AKAP13: variants seen among roughly 807,000 people sequenced by gnomAD.
AKAP13 encodes the protein A-kinase anchoring protein 13.
AKAP13 carries 80 observed loss-of-function variants against 264.5 expected under a neutral mutation model. The observed-to-expected ratio is 0.30, with a 90% CI of 0.25 to 0.36. The LOEUF (loss-of-function observed/expected upper bound fraction) is 0.36. Among genes scored for constraint, AKAP13 ranks in the 10% least tolerant of loss-of-function variants. AKAP13 has a pLI of 1.00. For missense variants in AKAP13, 3,712 were observed against 3,435.2 expected (o/e 1.08, Z -2.01); for synonymous variants, 1,380 against 1,250.2 (o/e 1.10, Z -2.19).
chr15:85,453,189 GT>G (rs1462960269), intron 1 of AKAP13, among the ~76,000 whole-genome samples: 11 of 152,348 alleles, frequency 7.2e-5, no homozygotes, highest in Admixed American at 3.3e-4. Context: ...GGCAAGGGCA[GT>G]TCCACAGTAG....
intron 1 of AKAP13, among the ~76,000 whole-genome samples, chr15:85,442,761 A>G (rs530156841): frequency 2.0e-5 from 3 of 151,554 alleles, no homozygotes; most frequent in East Asian, 1.9e-4. Flanking sequence ...TGAAATAGGG[A>G]CTCTGGACCA....
At chr15:85,656,218 A>G (rs1321471124) in intron 11 of AKAP13, among the ~76,000 whole-genome samples, 1 of 152,232 alleles carries the variant, frequency 6.6e-6, no homozygotes, top group Non-Finnish European at 1.5e-5. Flanking sequence ...AGTCTTTCAG[A>G]GTATTTTCTG....
Position 85,735,094 on chromosome 15 carries a change from C to A in AKAP13, c.7385C>A (p.Pro2462His). The change falls in exon 31 of 37, where the codon CCC becomes CAC. Residue 2462 changes from proline to histidine, a missense_variant. Physicochemically the swap from Pro to His is moderately conservative, Grantham distance 77. Transcript: ENST00000394518. ...EQDVVGPVSL[P>H]RRAETFGGFD... ...GATGTGGTCGGTCCCGTTTCCCTGC[C>A]CCGGAGAGCAGAGACCTTTGGAGGA... 1 of 1,614,156 alleles carries A rather than the reference C, an allele frequency of 6.2e-7. No individual in the cohort carries two copies.
At chr15:85,532,628 CAG>C (rs1353298862) in intron 3 of AKAP13, among the ~76,000 whole-genome samples, 2 of 152,176 alleles carry the variant, frequency 1.3e-5, no homozygotes, top group African/African-American at 2.4e-5. Context: ...TGTGTGAAAA[CAG>C]GGGAAATAGT....
chr15:85,664,071 T>C (rs2083474866), intron 12 of AKAP13, among the ~76,000 whole-genome samples: 1 of 152,142 alleles, frequency 6.6e-6, no homozygotes, highest in Non-Finnish European at 1.5e-5. Flanking sequence ...ACCTGTAAAA[T>C]TATAAAGGTC....
At chr15:85,725,329 A>G (rs1332130298) in intron 26 of AKAP13, among the ~76,000 whole-genome samples, 1 of 151,810 alleles carries the variant, frequency 6.6e-6, no homozygotes, top group Non-Finnish European at 1.5e-5. Context: ...ACTGACACTG[A>G]TCATATAAAC....
At chr15:85,466,665 C>G (rs1278758535) in intron 1 of AKAP13, among the ~76,000 whole-genome samples, 1 of 152,108 alleles carries the variant, frequency 6.6e-6, no homozygotes, top group Non-Finnish European at 1.5e-5. Context: ...ATCCCTCTTC[C>G]CATTTGTACT....
At position 85,741,476 on chromosome 15, in the gene AKAP13, C is replaced by T. The variant is rs200333772; in HGVS notation, c.8039C>T (p.Thr2680Ile). 2.5e-6 allele frequency: 4 copies of T among 1,599,160 alleles called. No homozygotes were observed. The East Asian group carries it at 6.7e-5, about 27-fold the overall frequency. ...GCAGAGCGGCTCAGCCAGCGGCAGA[C>T]AGAACGGGACCTGTGTCAGGTAATG... ...REAERLSQRQ[T>I]ERDLCQVSHP... is the part of the protein sequence containing the mutation. Residue 2680 changes from threonine (T) to isoleucine (I), a missense_variant, in exon 35 of 37, where the codon ACA becomes ATA. Thr to Ile is a moderately conservative substitution (Grantham distance 89). Coordinates refer to ENST00000394518, the MANE Select transcript of AKAP13 (RefSeq NM_007200.5).
intron 8 of AKAP13, among the ~76,000 whole-genome samples, chr15:85,627,018 G>T (rs1305808734): frequency 3.3e-5 from 5 of 152,148 alleles, no homozygotes; most frequent in African/African-American, 9.6e-5. Context: ...CTTTTGTCCT[G>T]TTTGTGTTTG....
In AKAP13 at chr15:85,568,278, T is replaced by A. The variant is rs574030467; in HGVS notation, c.663-6853T>A. Among the ~76,000 whole-genome samples the A allele has an allele frequency of 6.0e-5, 9 of 149,850 alleles. No homozygotes were observed. In the East Asian group the frequency reaches 1.8e-3, roughly 29 times the overall value. ...TTGCACCAGCACACTCCAGCATGAG[T>A]GACCCTCTATCAAAAAAAAAGAAAA... On this transcript the variant is annotated intron_variant, in intron 5 of 36. Transcript: ENST00000394518.
intron 2 of AKAP13, among the ~76,000 whole-genome samples, chr15:85,504,623 T>A (rs990640141): frequency 2.1e-5 from 3 of 141,878 alleles, no homozygotes; most frequent in Non-Finnish European, 3.0e-5. Context: ...GCCTGGAAGA[T>A]CGAAGCTGCA....
At chr15:85,691,946 C>T (rs1383509243) in intron 16 of AKAP13, 5 of 459,010 alleles carry the variant, frequency 1.1e-5, no homozygotes, top group South Asian at 3.1e-5. Context: ...CCCCTAGGTA[C>T]TCAGGGTAGA....
intron 2 of AKAP13, among the ~76,000 whole-genome samples, chr15:85,489,479 T>C (rs1163299733): frequency 6.6e-6 from 1 of 152,124 alleles, no homozygotes; most frequent in Non-Finnish European, 1.5e-5. Flanking sequence ...TTTATGCTGT[T>C]TTGGTGAGGA....
rs1294278304 is a variant in AKAP13, at chr15:85,580,418, A to G, written c.2350A>G (p.Thr784Ala). Reference protein sequence around the residue: ...VPDQAVISDSTFSLANSPGSE... With the variant: ...VPDQAVISDSAFSLANSPGSE... ...AGACCAGGCAGTAATATCAGACAGT[A>G]CTTTCTCTCTGGCAAACAGTCCAGG... Residue 784 changes from threonine (T) to alanine (A), a missense_variant, in exon 7 of 37, where the codon ACT becomes GCT. Transcript: ENST00000394518. The G allele has an allele frequency of 6.2e-7, 1 of 1,614,242 alleles. No homozygotes were observed. The highest frequency in any genetic ancestry group is 8.5e-7 in the Non-Finnish European group (1 of 1,180,042).
intron 13 of AKAP13, among the ~76,000 whole-genome samples, chr15:85,667,111 A>G (rs2083648163): frequency 6.6e-6 from 1 of 152,236 alleles, no homozygotes; most frequent in Non-Finnish European, 1.5e-5. Context: ...CTAATTAAAC[A>G]AAAACATTGA....
Position 85,623,836 on chromosome 15 carries a change from G to A in AKAP13, c.4162-15538G>A, listed in dbSNP as rs139789170. 6.2e-3 allele frequency among the ~76,000 whole-genome samples: 951 copies of A among 152,314 alleles called. 11 individuals carry two copies. Among genetic ancestry groups the A allele is most frequent in the African/African-American group, 0.021 (892 of 41,560 alleles). On this transcript the variant is annotated intron_variant, in intron 8 of 36. Transcript: ENST00000394518. The stretch of plus-strand genomic sequence containing the variant: ...CATGCACTTCTGACTCTTACAGTAT[G>A]TGGTTGGTAACTATGAATCATATGC...
At chr15:85,415,758 C>G (rs1044040886) in intron 1 of AKAP13, 4 of 606,184 alleles carry the variant, frequency 6.6e-6, no homozygotes, top group Non-Finnish European at 1.1e-5. Flanking sequence ...ATCTTTATCC[C>G]AAACATTTTA....
rs769447418 is a variant in AKAP13, at chr15:85,612,289, C to G, written c.4161+26466C>G. Reference sequence around the variant, plus strand: ...GACAATACATGAAACATTTATTATGCTTTGAATAGGTGCAGTTTATTATGT... The same window carrying G: ...GACAATACATGAAACATTTATTATGGTTTGAATAGGTGCAGTTTATTATGT... On this transcript the variant is annotated intron_variant, in intron 8 of 36. Coordinates refer to ENST00000394518, the MANE Select transcript of AKAP13 (RefSeq NM_007200.5). Among the ~76,000 whole-genome samples, 121 of 152,174 alleles carry G rather than the reference C, an allele frequency of 8.0e-4. 1 individual carries two copies. Among genetic ancestry groups the G allele is most frequent in the Admixed American group, 4.6e-4 (7 of 15,272 alleles).
At chr15:85,398,230 G>A (rs1191660625) in intron 1 of AKAP13, among the ~76,000 whole-genome samples, 3 of 152,108 alleles carry the variant, frequency 2.0e-5, no homozygotes, top group Non-Finnish European at 4.4e-5. Context: ...TATTTTTATG[G>A]TTAATCTCTT....
Sources: gnomAD v4.1 joint callset for allele counts (sites outside exome capture counted in the v4.1 genomes callset) on GRCh38, gnomAD v4.1.1 for gene constraint, MANE v1.5 for transcripts, NCBI Gene and HGNC (gene_info 2026-07-23, HGNC 2026-07-21) for gene names.